TINAG: variants seen among roughly 807,000 people sequenced by gnomAD.
TINAG encodes tubulointerstitial nephritis antigen.
Under a neutral mutation model 72.7 loss-of-function variants are expected in TINAG, and 83 were observed. The observed-to-expected ratio is 1.14, with a 90% CI of 0.96 to 1.37. The LOEUF (loss-of-function observed/expected upper bound fraction) is 1.37, where lower values mean the gene tolerates loss of function less well. TINAG is among the 40% of genes most tolerant of loss of function. The pLI, the probability that TINAG is intolerant of heterozygous loss-of-function variation, is 0.00. For missense variants in TINAG, 685 were observed against 576.6 expected (o/e 1.19, Z -1.93); for synonymous variants, 234 against 189.9 (o/e 1.23, Z -1.91).
At chr6:54,358,955 G>A (rs1763145499) in intron 9 of TINAG, among the ~76,000 whole-genome samples, 2 of 151,822 alleles carry the variant, frequency 1.3e-5, no homozygotes, top group Admixed American at 6.6e-5. Flanking sequence ...CTTCTAAGGG[G>A]AAATTTTTCC....
intron 5 of TINAG, among the ~76,000 whole-genome samples, chr6:54,346,942 C>T (rs1785137402): frequency 1.3e-5 from 2 of 151,978 alleles, no homozygotes; most frequent in Admixed American, 6.6e-5. Flanking sequence ...TTCTTGATTG[C>T]CCTGGTTTAG....
chr6:54,379,543 T>C (rs777066063), intron 9 of TINAG, among the ~76,000 whole-genome samples: 2 of 152,086 alleles, frequency 1.3e-5, no homozygotes, highest in Non-Finnish European at 2.9e-5. Flanking sequence ...CTTTATAAAA[T>C]AATATGTATA....
At chr6:54,309,959 C>G (rs1784200872) in intron 1 of TINAG, among the ~76,000 whole-genome samples, 1 of 151,956 alleles carries the variant, frequency 6.6e-6, no homozygotes, top group East Asian at 1.9e-4. Flanking sequence ...TTTAAATTTT[C>G]CACATAATTG....
At position 54,347,435 on chromosome 6, in the gene TINAG, T is replaced by G. The variant is rs751646348; in HGVS notation, c.817T>G (p.Leu273Val). Residue 273 changes from leucine to valine, a missense_variant, in exon 6 of 11, where the codon TTG (leucine) becomes GTG (valine). Coordinates refer to ENST00000259782, the MANE Select transcript of TINAG (RefSeq NM_014464.4). ...CACGGCCAATCTATCCCCTCAGAAT[T>G]TGATCTCTTGCTGTGCCAAGAACCG... is the stretch of plus-strand genomic sequence containing the variant. ...RYTANLSPQN[L>V]ISCCAKNRHG... 1.4e-5 allele frequency: 22 copies of G among 1,613,224 alleles called. No homozygotes were observed. The South Asian group carries it at 2.2e-4, about 16-fold the overall frequency.
At chr6:54,378,376 C>T (rs1020776150) in intron 9 of TINAG, among the ~76,000 whole-genome samples, 1 of 152,094 alleles carries the variant, frequency 6.6e-6, no homozygotes, top group African/African-American at 2.4e-5. Flanking sequence ...CCGAATGCTG[C>T]TATTCTCTCT....
chr6:54,311,946 C>T (rs1416463454), intron 1 of TINAG, among the ~76,000 whole-genome samples: 1 of 152,140 alleles, frequency 6.6e-6, no homozygotes, highest in Non-Finnish European at 1.5e-5. Flanking sequence ...TCTCCACTTA[C>T]TCTGATTTTT....
chr6:54,386,258 A>C (rs545743679), intron 10 of TINAG, among the ~76,000 whole-genome samples: 63 of 152,308 alleles, frequency 4.1e-4, no homozygotes, highest in African/African-American at 1.5e-3. Context: ...CTGTTGTGTA[A>C]CAAACTATCA....
intron 4 of TINAG, 30 bp from the exon 5 acceptor site, chr6:54,343,196 C>A (rs1785039471): frequency 1.4e-6 from 2 of 1,464,570 alleles, no homozygotes; most frequent in East Asian, 2.5e-5. Flanking sequence ...TTGAGAAAAT[C>A]TCATATATGT....
chr6:54,344,688 A>T (rs186160044), intron 5 of TINAG, among the ~76,000 whole-genome samples: 1 of 152,154 alleles, frequency 6.6e-6, no homozygotes, highest in Non-Finnish European at 1.5e-5. Flanking sequence ...TGGAGGATAT[A>T]TTTTGGTGTT....
At chr6:54,312,415 AAAC>A (rs1402509732) in intron 1 of TINAG, among the ~76,000 whole-genome samples, 1 of 152,308 alleles carries the variant, frequency 6.6e-6, no homozygotes, top group African/African-American at 2.4e-5. Flanking sequence ...CTGTTATTAG[AAAC>A]AAAAATGTAT....
intron 9 of TINAG, among the ~76,000 whole-genome samples, chr6:54,364,278 G>A (rs1272206036): frequency 6.6e-6 from 1 of 151,388 alleles, no homozygotes; most frequent in Non-Finnish European, 1.5e-5. Flanking sequence ...GGGAAAATGA[G>A]TTCATCCAAG....
At chr6:54,367,094 CA>C (rs1763455551) in intron 9 of TINAG, 2 of 151,712 alleles carry the variant, frequency 1.3e-5, no homozygotes, top group African/African-American at 4.8e-5. Flanking sequence ...CATGCCTTTG[CA>C]GCAACATTGT....
Position 54,322,447 on chromosome 6 carries a change from C to T in TINAG, c.509+1061C>T, listed in dbSNP as rs142836940. 1.8e-3 allele frequency among the ~76,000 whole-genome samples: 268 copies of T among 152,292 alleles called. 1 individual carries two copies. The highest frequency in any genetic ancestry group is 0.01 in the Middle Eastern group (3 of 294). ...ATCTGCTTCAGGATTTCTCCACTGC[C>T]ATTGAACGAATCTCGATATACCCTT... is the stretch of plus-strand genomic sequence containing the variant. On this transcript the variant is annotated intron_variant, in intron 3 of 10. Transcript: ENST00000259782.
chr6:54,374,110 T>C lies in TINAG; in HGVS notation c.1251-6416T>C, dbSNP rs138618470. Among the ~76,000 whole-genome samples, 299 of 152,256 alleles carry C rather than the reference T, an allele frequency of 2.0e-3. 3 individuals carry two copies. The highest frequency in any genetic ancestry group is 6.6e-3 in the African/African-American group (273 of 41,592). ...TCAATTTTCTCCAAACTTCTTTTCATAGGTCAAATTACATGTGATACTACA... is the reference window on the plus strand; with the variant it reads ...TCAATTTTCTCCAAACTTCTTTTCACAGGTCAAATTACATGTGATACTACA... On this transcript the variant is annotated intron_variant, in intron 9 of 10. Coordinates refer to ENST00000259782, the MANE Select transcript of TINAG (RefSeq NM_014464.4).
chr6:54,370,171 T>A (rs1763560975), intron 9 of TINAG, among the ~76,000 whole-genome samples: 1 of 152,156 alleles, frequency 6.6e-6, no homozygotes, highest in Non-Finnish European at 1.5e-5. Flanking sequence ...GCTGAATCTT[T>A]GAATTCGTGT....
chr6:54,311,871 A>G (rs1254918411), intron 1 of TINAG, among the ~76,000 whole-genome samples: 1 of 152,198 alleles, frequency 6.6e-6, no homozygotes, highest in Non-Finnish European at 1.5e-5. Flanking sequence ...TAAAATTTAT[A>G]GACTTATTTG....
At chr6:54,351,876 T>C (rs1785274224) in intron 8 of TINAG, among the ~76,000 whole-genome samples, 1 of 151,948 alleles carries the variant, frequency 6.6e-6, no homozygotes, top group South Asian at 2.1e-4. Flanking sequence ...AGTAAACTAG[T>C]GTAATTTTAC....
chr6:54,327,611 C>T (rs756353861), intron 4 of TINAG, among the ~76,000 whole-genome samples: 1 of 152,000 alleles, frequency 6.6e-6, no homozygotes, highest in Non-Finnish European at 1.5e-5. Context: ...CAGAACCATT[C>T]ACTTTCCTGG....
intron 10 of TINAG, among the ~76,000 whole-genome samples, chr6:54,386,488 C>G (rs1311792116): frequency 2.6e-5 from 4 of 152,108 alleles, no homozygotes; most frequent in Non-Finnish European, 4.4e-5. Flanking sequence ...CCCCCATTTT[C>G]TTGCTGACTG....
Sources: allele counts gnomAD v4.1 joint callset (sites outside exome capture counted in the v4.1 genomes callset), GRCh38; gene constraint gnomAD v4.1.1; transcripts MANE v1.5; gene names NCBI Gene and HGNC (gene_info 2026-07-23, HGNC 2026-07-21).